CDH1: variants seen among roughly 807,000 people sequenced by gnomAD.
CDH1 encodes cadherin-1.
A neutral mutation model predicts 84.5 loss-of-function variants in CDH1; 35 were observed. The ratio of observed to expected loss-of-function variants is 0.41; its 90% CI spans 0.32 to 0.55. The LOEUF is 0.55. Ranked by LOEUF, CDH1 falls within the 20% of genes least tolerant of loss-of-function variation. CDH1 has a pLI of 0.19. For synonymous variants in CDH1, 417 were observed against 439.0 expected (o/e 0.95, Z 0.63); for missense variants, 994 against 1,126.6 (o/e 0.88, Z 1.68).
intron 10 of CDH1, among the ~76,000 whole-genome samples, chr16:68,817,812 A>T (rs766741816): frequency 1.3e-5 from 2 of 152,228 alleles, no homozygotes; most frequent in Admixed American, 1.3e-4. Context: ...AGCCATGCCA[A>T]CGAAAGGCCA....
At chr16:68,750,132 T>C (rs28534797) in intron 2 of CDH1, among the ~76,000 whole-genome samples, 2 of 119,988 alleles carry the variant, frequency 1.7e-5, no homozygotes, top group African/African-American at 2.8e-5. Context: ...TAATTTTGAT[T>C]GTGATGCTAG....
chr16:68,740,002 G>A (rs749592571), intron 2 of CDH1, among the ~76,000 whole-genome samples: 2 of 152,102 alleles, frequency 1.3e-5, no homozygotes, highest in African/African-American at 2.4e-5. Flanking sequence ...AGGCCTTATC[G>A]TTGTGACAAT....
chr16:68,794,347 T>G (rs17715762), intron 2 of CDH1, among the ~76,000 whole-genome samples: 40,651 of 151,926 alleles, frequency 0.27, 5,608 homozygotes, highest in Middle Eastern at 0.33. Flanking sequence ...GCCGTGTCCA[T>G]TAGCTCTTAG....
chr16:68,819,218 C>G (rs535931444), intron 10 of CDH1, 62 bp from the exon 11 acceptor site: 1 of 1,591,892 alleles, frequency 6.3e-7, no homozygotes, highest in Non-Finnish European at 8.6e-7. Context: ...GCGCTTAAGC[C>G]GTTTTCAGCT....
chr16:68,754,817 G>A (rs1274862865), intron 2 of CDH1, among the ~76,000 whole-genome samples: 1 of 152,200 alleles, frequency 6.6e-6, no homozygotes, highest in Non-Finnish European at 1.5e-5. Context: ...TGTCCTCATG[G>A]AATTTCTCTT....
At chr16:68,831,775 G>A (rs193112576) in intron 15 of CDH1, among the ~76,000 whole-genome samples, 16 of 152,084 alleles carry the variant, frequency 1.1e-4, no homozygotes, top group Non-Finnish European at 1.8e-4. Context: ...CTGACCTCGG[G>A]TGATCTCCCT....
rs74781339 is a variant in CDH1 at position 68,758,521 on chromosome 16, G to A, written c.163+20110G>A. On this transcript the variant is annotated intron_variant, in intron 2 of 15. Coordinates refer to ENST00000261769, the MANE Select transcript of CDH1 (RefSeq NM_004360.5). ...AGGATCACTTGAGCCTGGGAGTTTC[G>A]AGGCTGCAGTGCATGCTGATTGTGC... 3.3e-3 allele frequency among the ~76,000 whole-genome samples: 507 copies of A among 151,884 alleles called. 23 individuals carry two copies. In the East Asian group the frequency reaches 0.08, roughly 24 times the overall value.
chr16:68,777,274 C>G (rs1434928521), intron 2 of CDH1, among the ~76,000 whole-genome samples: 1 of 152,200 alleles, frequency 6.6e-6, no homozygotes, highest in Non-Finnish European at 1.5e-5. Context: ...AGGTTCACAC[C>G]AGTAACTTGT....
chr16:68,767,815 C>T (rs1959433229), intron 2 of CDH1, among the ~76,000 whole-genome samples: 1 of 152,050 alleles, frequency 6.6e-6, no homozygotes, highest in Non-Finnish European at 1.5e-5. Context: ...AAGAGGAGAG[C>T]CGGGTGTGGT....
chr16:68,750,113 G>T (rs1450517765), intron 2 of CDH1, among the ~76,000 whole-genome samples: 7 of 126,686 alleles, frequency 5.5e-5, no homozygotes, highest in Non-Finnish European at 1.1e-4. Context: ...GGCCTGGCCT[G>T]CCTCTCACTA....
At chr16:68,767,855 G>A (rs1447083427) in intron 2 of CDH1, among the ~76,000 whole-genome samples, 1 of 152,202 alleles carries the variant, frequency 6.6e-6, no homozygotes, top group African/African-American at 2.4e-5. Flanking sequence ...AGTTACTTGG[G>A]AGGCTGAAGC....
chr16:68,772,409 T>C (rs1006604750), intron 2 of CDH1, among the ~76,000 whole-genome samples: 1 of 152,174 alleles, frequency 6.6e-6, no homozygotes, highest in African/African-American at 2.4e-5. Flanking sequence ...TAATAAGCCA[T>C]AGACCCATCA....
At chr16:68,741,840 T>C (rs1962571525) in intron 2 of CDH1, among the ~76,000 whole-genome samples, 2 of 152,090 alleles carry the variant, frequency 1.3e-5, no homozygotes. Context: ...CCACCATGCC[T>C]TTGTATTTTT....
At chr16:68,828,085 G>T (rs2152141269) in intron 13 of CDH1, 89 bp from the exon 14 acceptor site, 1 of 1,467,268 alleles carries the variant, frequency 6.8e-7, no homozygotes, top group South Asian at 1.1e-5. Context: ...CCCCCTGTCT[G>T]GTATGAGGGG....
At chr16:68,745,952 G>A (rs1962729398) in intron 2 of CDH1, among the ~76,000 whole-genome samples, 1 of 152,102 alleles carries the variant, frequency 6.6e-6, no homozygotes, top group Admixed American at 6.6e-5. Context: ...CAAGTAGCTG[G>A]GATTACAGGC....
At chr16:68,752,448 CT>C (rs1464398871) in intron 2 of CDH1, among the ~76,000 whole-genome samples, 1 of 152,178 alleles carries the variant, frequency 6.6e-6, no homozygotes, top group Non-Finnish European at 1.5e-5. Flanking sequence ...TGTACTTGGG[CT>C]GAATTGCAGT....
intron 2 of CDH1, among the ~76,000 whole-genome samples, chr16:68,785,604 G>T (rs182930832): frequency 5.3e-5 from 8 of 152,298 alleles, no homozygotes; most frequent in Non-Finnish European, 1.2e-4. Flanking sequence ...CTCCCAAAAT[G>T]CTGGGATTAC....
chr16:68,758,234 T>TGA (rs1555511444), intron 2 of CDH1, among the ~76,000 whole-genome samples: 26 of 116,912 alleles, frequency 2.2e-4, no homozygotes, highest in South Asian at 8.8e-4. Context: ...TTTTTTTTTT[T>TGA]GAGAGAGAGA....
rs1057522979 is a variant in CDH1, at chr16:68,815,772, A to G, written c.1565+13A>G. On this transcript the variant is annotated intron_variant, in intron 10 of 15. Transcript: ENST00000261769. ...AACAGAAAATAACGTAAGTGTGAGG[A>G]TTTTTCAACTGACTTGCAGCAACTG... The G allele has an allele frequency of 6.2e-7, 1 of 1,614,116 alleles. No individual in the cohort carries two copies. Among genetic ancestry groups the G allele is most frequent in the Non-Finnish European group, 8.5e-7 (1 of 1,179,994 alleles).
Sources: gnomAD v4.1 joint callset for allele counts (sites outside exome capture counted in the v4.1 genomes callset) on GRCh38, gnomAD v4.1.1 for gene constraint, MANE v1.5 for transcripts, NCBI Gene and HGNC (gene_info 2026-07-23, HGNC 2026-07-21) for gene names.